Variants in AGPAT5 observed in about 807,000 individuals in gnomAD.
AGPAT5 encodes the protein 1-acyl-sn-glycerol-3-phosphate acyltransferase epsilon.
A neutral mutation model predicts 45.6 loss-of-function variants in AGPAT5; 46 were observed. The ratio of observed to expected loss-of-function variants is 1.01; its 90% CI spans 0.80 to 1.29. The LOEUF is 1.29. Ranked by LOEUF, AGPAT5 falls within the 50% of genes most tolerant of loss-of-function variation. The pLI is 0.00. For synonymous variants in AGPAT5, 272 were observed against 167.0 expected (o/e 1.63, Z -4.85); for missense variants, 673 against 450.7 (o/e 1.49, Z -4.47).
chr8:6,722,135 A>G lies in AGPAT5; in HGVS notation c.220-2735A>G, dbSNP rs186530140. Among the ~76,000 whole-genome samples the G allele has an allele frequency of 3.3e-5, 5 of 152,324 alleles. No homozygotes were observed. In the South Asian group the frequency reaches 6.2e-4, roughly 19 times the overall value. ...GAAATGTATAGTAATAAGGTTTGCT[A>G]TGCAGGTTTATTTTGCCAGTTTCTG... On this transcript the variant is annotated intron_variant, in intron 1 of 7. Transcript: ENST00000285518.
rs1213462695 is a variant in AGPAT5 at position 6,708,695 on chromosome 8, G to T, written c.27G>T (p.Thr9=). The change falls in exon 1 of 8, where the codon ACG becomes ACT. Residue 9 remains threonine (T), a synonymous_variant. Coordinates refer to ENST00000285518, the MANE Select transcript of AGPAT5 (RefSeq NM_018361.5). Reference sequence around the variant, plus strand: ...TGCTGCTGTCCCTGGTGCTCCACACGTACTCCATGCGCTACCTGCTGCCCA... The same window carrying T: ...TGCTGCTGTCCCTGGTGCTCCACACTTACTCCATGCGCTACCTGCTGCCCA... MLLSLVLH[T]YSMRYLLPSV... is the part of the protein sequence containing the mutation. 1.2e-6 allele frequency: 2 copies of T among 1,603,608 alleles called. No individual in the cohort carries two copies. Among genetic ancestry groups the T allele is most frequent in the Non-Finnish European group, 8.5e-7 (1 of 1,179,322 alleles).
chr8:6,755,045 T>C lies in AGPAT5; in HGVS notation c.746-6T>C. ...AAAAAAAAGAATTATTTTTGTTCTT[T>C]GTTAGAATTTCTCTGCAAAGAATGT... is the stretch of plus-strand genomic sequence containing the variant. On this transcript the variant is annotated splice_polypyrimidine_tract_variant and splice_region_variant and intron_variant, in intron 6 of 7. Coordinates refer to ENST00000285518, the MANE Select transcript of AGPAT5 (RefSeq NM_018361.5). 6.4e-7 allele frequency: 1 copy of C among 1,571,974 alleles called. No homozygotes were observed. Among genetic ancestry groups the C allele is most frequent in the East Asian group, 2.3e-5 (1 of 44,214 alleles).
intron 4 of AGPAT5, among the ~76,000 whole-genome samples, chr8:6,735,313 G>A (rs567833165): frequency 3.9e-5 from 6 of 152,152 alleles, no homozygotes; most frequent in Non-Finnish European, 7.4e-5. Context: ...CCACAGGGCT[G>A]CTTTTCCCTC....
intron 5 of AGPAT5, among the ~76,000 whole-genome samples, chr8:6,743,617 T>C (rs964342864): frequency 6.6e-6 from 1 of 152,186 alleles, no homozygotes; most frequent in African/African-American, 2.4e-5. Context: ...ACTGTGGTAA[T>C]ATTTAAACTT....
chr8:6,717,995 GATTA>G (rs1353531478), intron 1 of AGPAT5, among the ~76,000 whole-genome samples: 2 of 152,136 alleles, frequency 1.3e-5, no homozygotes, highest in African/African-American at 4.8e-5. Context: ...ATGTCATCTG[GATTA>G]AGTGTCAACT....
At chr8:6,712,905 A>C (rs1050583668) in intron 1 of AGPAT5, among the ~76,000 whole-genome samples, 17 of 152,178 alleles carry the variant, frequency 1.1e-4, no homozygotes, top group Admixed American at 2.6e-4. Flanking sequence ...CTTTTTTAAA[A>C]AATTTCTTTT....
At chr8:6,714,457 C>G (rs374531382) in intron 1 of AGPAT5, among the ~76,000 whole-genome samples, 94 of 152,302 alleles carry the variant, frequency 6.2e-4, no homozygotes, top group African/African-American at 2.2e-3. Flanking sequence ...AACTAGAACT[C>G]TATTTTTACA....
chr8:6,741,279 C>T (rs1286616970), intron 4 of AGPAT5, among the ~76,000 whole-genome samples: 1 of 151,984 alleles, frequency 6.6e-6, no homozygotes, highest in Non-Finnish European at 1.5e-5. Context: ...ATACTGATTT[C>T]TAAAATTTGT....
At chr8:6,735,289 G>T (rs1205492685) in intron 4 of AGPAT5, among the ~76,000 whole-genome samples, 1 of 152,164 alleles carries the variant, frequency 6.6e-6, no homozygotes, top group Non-Finnish European at 1.5e-5. Context: ...TGTGGGCTGG[G>T]CCCTGAGCCC....
intron 4 of AGPAT5, among the ~76,000 whole-genome samples, chr8:6,737,012 A>AT (rs1801074731): frequency 6.6e-6 from 1 of 152,218 alleles, no homozygotes; most frequent in Non-Finnish European, 1.5e-5. Context: ...CTTTTAAAAT[A>AT]ATGTTATATC....
chr8:6,711,522 C>G (rs373933280), intron 1 of AGPAT5, among the ~76,000 whole-genome samples: 5 of 152,256 alleles, frequency 3.3e-5, no homozygotes, highest in African/African-American at 1.2e-4. Flanking sequence ...TTATATTTCA[C>G]GTAATTTGAG....
At chr8:6,708,999 G>C (rs1800040722) in intron 1 of AGPAT5, 112 bp downstream of exon 1, 2 of 989,114 alleles carry the variant, frequency 2.0e-6, no homozygotes, top group African/African-American at 1.6e-5. Context: ...GGCGGACCCA[G>C]CACGGAGAGC....
chr8:6,753,048 G>C (rs1313880635), intron 6 of AGPAT5, among the ~76,000 whole-genome samples: 1 of 152,142 alleles, frequency 6.6e-6, no homozygotes, highest in Admixed American at 6.5e-5. Context: ...AACAGCCCCT[G>C]CCTGCGTAGA....
At chr8:6,741,913 T>A (rs1310150156) in intron 5 of AGPAT5, among the ~76,000 whole-genome samples, 162 bp downstream of exon 5, 1 of 152,222 alleles carries the variant, frequency 6.6e-6, no homozygotes, top group African/African-American at 2.4e-5. Context: ...AAGTTTCTTC[T>A]CCTTAATTCA....
Position 6,760,811 on chromosome 8 carries a change from A to G in AGPAT5, c.*3423A>G, listed in dbSNP as rs573334236. On this transcript the variant is annotated 3_prime_UTR_variant, in exon 8 of 8. Transcript: ENST00000285518. ...TTATATAGAGACTATGTAACATGCA[A>G]TCATTAGAATCAAAATTAGTACTTT... Among the ~76,000 whole-genome samples the G allele has an allele frequency of 1.8e-4, 27 of 152,320 alleles. No homozygotes were observed. Among genetic ancestry groups the G allele is most frequent in the Non-Finnish European group, 3.4e-4 (23 of 68,028 alleles).
intron 3 of AGPAT5, among the ~76,000 whole-genome samples, chr8:6,732,192 G>A (rs1563292570): frequency 6.8e-6 from 1 of 146,238 alleles, no homozygotes; most frequent in South Asian, 2.2e-4. Context: ...TGTTAAGGAC[G>A]CTTTTTAGTG....
At chr8:6,730,149 A>T (rs1313170423) in intron 2 of AGPAT5, among the ~76,000 whole-genome samples, 1 of 151,980 alleles carries the variant, frequency 6.6e-6, no homozygotes, top group Non-Finnish European at 1.5e-5. Flanking sequence ...ATTTTGTTCC[A>T]TACACATGCT....
intron 4 of AGPAT5, among the ~76,000 whole-genome samples, chr8:6,738,780 T>C (rs1236960828): frequency 6.6e-6 from 1 of 152,228 alleles, no homozygotes; most frequent in East Asian, 1.9e-4. Flanking sequence ...TGTGTTTTTT[T>C]ATTTTTATAC....
chr8:6,725,701 G>C (rs1800661514), intron 2 of AGPAT5, among the ~76,000 whole-genome samples: 1 of 152,108 alleles, frequency 6.6e-6, no homozygotes, highest in South Asian at 2.1e-4. Context: ...TTTCAAACCT[G>C]TAGCTACTTT....
Sources: gnomAD v4.1 joint callset for allele counts (sites outside exome capture counted in the v4.1 genomes callset) on GRCh38, gnomAD v4.1.1 for gene constraint, MANE v1.5 for transcripts, NCBI Gene and HGNC (gene_info 2026-07-23, HGNC 2026-07-21) for gene names.